The following ARHGAP12 variants were observed in gnomAD, a reference collection of about 807,000 sequenced individuals.
The protein encoded by ARHGAP12 is Rho GTPase activating protein 12, also known as rho GTPase-activating protein 12.
Under a neutral mutation model 108.6 loss-of-function variants are expected in ARHGAP12, and 64 were observed. That is an observed-to-expected ratio of 0.59 (90% confidence interval 0.48 to 0.73). ARHGAP12 has a LOEUF of 0.73. Among genes scored for constraint, ARHGAP12 ranks in the 30% least tolerant of loss-of-function variants. The probability of loss-of-function intolerance (pLI) is 0.00; values close to 1 mark genes in which losing one functional copy is unlikely to be tolerated. For synonymous variants in ARHGAP12, 312 were observed against 337.2 expected, an observed-to-expected ratio of 0.93 and a Z score of 0.82; for missense variants, 940 against 1,005.9, an observed-to-expected ratio of 0.93 and a Z score of 0.89.
chr10:31,889,189 G>A (rs1280505787), intron 3 of ARHGAP12, among the ~76,000 whole-genome samples: 6 of 152,226 alleles, frequency 3.9e-5, no homozygotes, highest in Admixed American at 1.3e-4. Context: ...AGCGATTACA[G>A]ACGTGAGCCA....
intron 1 of ARHGAP12, among the ~76,000 whole-genome samples, chr10:31,928,270 TGCACACACGCGCGCACTCTCCC>T (rs1840145531): frequency 6.8e-6 from 1 of 146,088 alleles, no homozygotes; most frequent in Non-Finnish European, 1.5e-5. Flanking sequence ...ACCCGCCTTG[TGCACACACGCGCGCACTCTCCC>T]GCACTCACAC....
chr10:31,893,007 A>T (rs1025193238), intron 3 of ARHGAP12, among the ~76,000 whole-genome samples: 14 of 152,184 alleles, frequency 9.2e-5, no homozygotes, highest in Admixed American at 2.0e-4. Flanking sequence ...ACTACTGGGT[A>T]CATAACAAAA....
At chr10:31,844,583 G>A (rs114706791) in intron 6 of ARHGAP12, among the ~76,000 whole-genome samples, 117 of 152,196 alleles carry the variant, frequency 7.7e-4, no homozygotes, top group African/African-American at 2.7e-3. Context: ...ACCCAGGCTG[G>A]AGCGCAGTGG....
At chr10:31,829,737 G>A (rs1835761606) in intron 10 of ARHGAP12, among the ~76,000 whole-genome samples, 1 of 152,138 alleles carries the variant, frequency 6.6e-6, no homozygotes, top group Non-Finnish European at 1.5e-5. Context: ...AAAGACCAAC[G>A]GCTTTTAATG....
intron 3 of ARHGAP12, among the ~76,000 whole-genome samples, chr10:31,888,800 G>C (rs1426723587): frequency 6.6e-6 from 1 of 151,812 alleles, no homozygotes; most frequent in Admixed American, 6.5e-5. Flanking sequence ...ACAGAGTTTA[G>C]GAAAAAAAGG....
At chr10:31,810,865 CCCTATGCCTTATG>C in intron 15 of ARHGAP12, 118 bp from the exon 16 acceptor site, 1 of 727,418 alleles carries the variant, frequency 1.4e-6, no homozygotes, top group Non-Finnish European at 2.3e-6. Context: ...TTTAACATGG[CCCTATGCCTTATG>C]CAATATGCAT....
intron 9 of ARHGAP12, among the ~76,000 whole-genome samples, chr10:31,833,094 T>C (rs1176361909): frequency 6.6e-6 from 1 of 151,966 alleles, no homozygotes; most frequent in Non-Finnish European, 1.5e-5. Flanking sequence ...TGTTGAGGGC[T>C]GACTTTCAAC....
rs74508815 is a variant in ARHGAP12 at position 31,876,888 on chromosome 10, G to C, written c.685-15230C>G. Among the ~76,000 whole-genome samples, 31 of 152,280 alleles carry C rather than the reference G, an allele frequency of 2.0e-4. No homozygotes were observed. The East Asian group carries it at 5.6e-3, about 27-fold the overall frequency. On this transcript the variant is annotated intron_variant, in intron 3 of 19. Transcript: ENST00000344936. ...ACCCCTACTCCCAAACTAGCTCTCA[G>C]TTCAGAATTTTTAGAAAAGGTTCTA...
intron 12 of ARHGAP12, 55 bp from the exon 13 acceptor site, chr10:31,817,941 A>G: frequency 1.6e-6 from 2 of 1,215,176 alleles, no homozygotes; most frequent in South Asian, 1.3e-5. Context: ...CTTTCAGCAA[A>G]ATACATGAAT....
intron 3 of ARHGAP12, among the ~76,000 whole-genome samples, chr10:31,907,322 G>T (rs1215389384): frequency 6.6e-6 from 1 of 151,166 alleles, no homozygotes; most frequent in Non-Finnish European, 1.5e-5. Context: ...AATCTCAAAA[G>T]AAAGGTTTAA....
chr10:31,832,020 C>T (rs1408467721), intron 9 of ARHGAP12, among the ~76,000 whole-genome samples: 1 of 152,030 alleles, frequency 6.6e-6, no homozygotes, highest in Non-Finnish European at 1.5e-5. Context: ...TTCTTTTTCT[C>T]CTTAAGTCAC....
At chr10:31,919,745 C>T (rs770920812) in intron 1 of ARHGAP12, among the ~76,000 whole-genome samples, 3 of 151,038 alleles carry the variant, frequency 2.0e-5, no homozygotes, top group Admixed American at 6.6e-5. Context: ...GAGCCGAGAT[C>T]GCACCACTGC....
chr10:31,864,585 AAACT>A, intron 3 of ARHGAP12, among the ~76,000 whole-genome samples: 1 of 152,250 alleles, frequency 6.6e-6, no homozygotes. Flanking sequence ...ATGAATAAAC[AAACT>A]AATGACAAAC....
chr10:31,873,306 C>T (rs1837608498), intron 3 of ARHGAP12, among the ~76,000 whole-genome samples: 2 of 152,128 alleles, frequency 1.3e-5, no homozygotes, highest in South Asian at 2.1e-4. Context: ...ATCAGAAATA[C>T]TTTATCTATA....
At position 31,914,951 on chromosome 10, in the gene ARHGAP12, A is replaced by G. The variant is rs76813729; in HGVS notation, c.-110-4388T>C. ...ACATACACACAACAGGATACTACTT[A>G]GCCATAAAAAAGAAGGCAATCCTGC... is the stretch of plus-strand genomic sequence containing the variant. On this transcript the variant is annotated intron_variant, in intron 1 of 19. Coordinates refer to ENST00000344936, the MANE Select transcript of ARHGAP12 (RefSeq NM_018287.7). Among the ~76,000 whole-genome samples the G allele has an allele frequency of 4.0e-3, 607 of 152,378 alleles. 2 individuals carry two copies. Among genetic ancestry groups the G allele is most frequent in the African/African-American group, 0.014 (590 of 41,592 alleles).
intron 11 of ARHGAP12, among the ~76,000 whole-genome samples, chr10:31,825,921 T>A (rs1022882887): frequency 2.0e-5 from 3 of 152,166 alleles, no homozygotes; most frequent in Non-Finnish European, 2.9e-5. Context: ...CAGATCACAA[T>A]TCAAGATACA....
chr10:31,827,936 A>G (rs1032605636), intron 10 of ARHGAP12, among the ~76,000 whole-genome samples: 10 of 152,156 alleles, frequency 6.6e-5, no homozygotes, highest in Non-Finnish European at 1.5e-5. Context: ...ATGGATTAAG[A>G]TAAGTGAAAT....
At chr10:31,847,271 T>C (rs1836497830) in intron 6 of ARHGAP12, among the ~76,000 whole-genome samples, 2 of 152,208 alleles carry the variant, frequency 1.3e-5, no homozygotes, top group Non-Finnish European at 2.9e-5. Flanking sequence ...GTTCTTGCTA[T>C]GACAAGTAAT....
At chr10:31,920,449 C>CAAAAAAAAAAAAAAAAAAAAAA (rs71027040) in intron 1 of ARHGAP12, among the ~76,000 whole-genome samples, 13 of 59,600 alleles carry the variant, frequency 2.2e-4, no homozygotes, top group African/African-American at 3.7e-4. Flanking sequence ...GACTCCGTCT[C>CAAAAAAAAAAAAAAAAAAAAAA]AAAAAAAAAA....
Sources: allele counts gnomAD v4.1 joint callset (sites outside exome capture counted in the v4.1 genomes callset), GRCh38; gene constraint gnomAD v4.1.1; transcripts MANE v1.5; gene names NCBI Gene and HGNC (gene_info 2026-07-23, HGNC 2026-07-21).